Variants in FZD2 observed in about 807,000 individuals in gnomAD.
FZD2 encodes the protein frizzled-2.
Under a neutral mutation model 36.7 loss-of-function variants are expected in FZD2, and 17 were observed. The observed-to-expected ratio is 0.46, with a 90% CI of 0.32 to 0.70. FZD2 has a LOEUF of 0.70. Ranked by LOEUF, FZD2 falls within the 30% of genes least tolerant of loss-of-function variation. The pLI is 0.04. For missense variants in FZD2, 525 were observed against 805.6 expected (o/e 0.65, Z 4.22); for synonymous variants, 333 against 359.6 (o/e 0.93, Z 0.84).
rs1364129535 is a variant in FZD2 at position 44,557,632 on chromosome 17, G to C, written c.-57G>C. 2.8e-6 allele frequency: 3 copies of C among 1,083,576 alleles called. No homozygotes were observed. In the East Asian group the frequency reaches 1.1e-4, roughly 41 times the overall value. 67.1% of individuals were successfully genotyped at this position (1,083,576 alleles called of 1,614,324 possible). Reference sequence around the variant, plus strand: ...CGGCGGGGAAGAAGCGCAGTCTCCGGGTTGGGGGCGGGGGCGGGGGGGGCG... The same window carrying C: ...CGGCGGGGAAGAAGCGCAGTCTCCGCGTTGGGGGCGGGGGCGGGGGGGGCG... On this transcript the variant is annotated 5_prime_UTR_variant, in exon 1 of 1. Coordinates refer to ENST00000315323, the MANE Select transcript of FZD2 (RefSeq NM_001466.4). This position sits in a 1 kb window ranked among gnomAD's most constrained non-coding sequence, Gnocchi z 4.9.
Position 44,558,209 on chromosome 17 carries a change from C to T in FZD2, c.521C>T (p.Pro174Leu), listed in dbSNP as rs752191369. Residue 174 changes from proline to leucine, a missense_variant, in exon 1 of 1, where the codon CCG (proline) becomes CTG (leucine). Transcript: ENST00000315323. This position sits in a 1 kb window ranked among gnomAD's most constrained non-coding sequence, Gnocchi z 9.3. The stretch of plus-strand genomic sequence containing the variant: ...ACCGCGCCGCCGCCGGGACTGCAGC[C>T]GGGTGCCGGGGGCACCCCGGGTGGC... ...LTTAPPPGLQPGAGGTPGGPG... is the reference protein window; with the variant it reads ...LTTAPPPGLQLGAGGTPGGPG... 6 of 1,436,742 alleles carry T rather than the reference C, an allele frequency of 4.2e-6. No individual in the cohort carries two copies. The highest frequency in any genetic ancestry group is 4.5e-6 in the Non-Finnish European group (5 of 1,100,502). 89.0% of individuals were successfully genotyped at this position (1,436,742 alleles called of 1,614,324 possible). A position where few individuals can be genotyped will look rare whatever the true frequency, so the allele number is the denominator to read the frequency against.
In FZD2 at chr17:44,560,963, C is replaced by G. The variant is rs1187646804; in HGVS notation, c.*1577C>G. On this transcript the variant is annotated 3_prime_UTR_variant, in exon 1 of 1. Transcript: ENST00000315323. ...ACTCCTGACCTCGTTATCTGCCTGC[C>G]TCGGCCTCCTAAAGTGCTGGGATTA... Among the ~76,000 whole-genome samples the G allele has an allele frequency of 1.3e-5, 2 of 152,208 alleles. No homozygotes were observed. Among genetic ancestry groups the G allele is most frequent in the Non-Finnish European group, 2.9e-5 (2 of 68,038 alleles).
chr17:44,560,297 A>C lies in FZD2; in HGVS notation c.*911A>C, dbSNP rs1970874902. ...TTCGCCTTTGAGCACTTGTTTGCAA[A>C]TCTGGGGAGTTTGAGACCTCCTAGC... On this transcript the variant is annotated 3_prime_UTR_variant, in exon 1 of 1. Coordinates refer to ENST00000315323, the MANE Select transcript of FZD2 (RefSeq NM_001466.4). Among the ~76,000 whole-genome samples the C allele has an allele frequency of 6.6e-6, 1 of 152,044 alleles. No homozygotes were observed. The highest frequency in any genetic ancestry group is 6.6e-5 in the Admixed American group (1 of 15,254).
rs11413859 is a variant in FZD2 at position 44,560,015 on chromosome 17, GA to G, written c.*638del. On this transcript the variant is annotated 3_prime_UTR_variant, in exon 1 of 1. Transcript: ENST00000315323. ...AAGTCCCAACAGAGATGAAGACGTG[GA>G]AAAAAAAATCGGGGTCGGGGTGTGC... Among the ~76,000 whole-genome samples, 11 of 151,254 alleles carry G rather than the reference GA, an allele frequency of 7.3e-5. No individual in the cohort carries two copies. The South Asian group carries it at 1.5e-3, about 20-fold the overall frequency.
chr17:44,558,310 C>G lies in FZD2; in HGVS notation c.622C>G (p.Pro208Ala). 4 of 1,483,328 alleles carry G rather than the reference C, an allele frequency of 2.7e-6. No homozygotes were observed. Among genetic ancestry groups the G allele is most frequent in the Non-Finnish European group, 3.6e-6 (4 of 1,123,742 alleles). The allele number at this position is 1,483,328 out of a possible 1,614,324, so 91.9% of individuals were successfully genotyped here. A position where few individuals can be genotyped will look rare whatever the true frequency, so the allele number is the denominator to read the frequency against. The change falls in exon 1 of 1, where the codon CCA (proline) becomes GCA (alanine). Residue 208 changes from proline (P) to alanine (A), a missense_variant. Physicochemically the swap from Pro to Ala is conservative, Grantham distance 27. Transcript: ENST00000315323. This position sits in a 1 kb window ranked among gnomAD's most constrained non-coding sequence, Gnocchi z 9.3. ...CCACTGCCCGCGCGTCCTCAAGGTG[C>G]CATCCTATCTCAGCTACAAGTTTCT... The part of the protein sequence containing the change: ...PFHCPRVLKV[P>A]SYLSYKFLGE...
In FZD2 at chr17:44,557,985, G is replaced by A. The variant is rs1455060543; in HGVS notation, c.297G>A (p.Val99=). 4 of 1,613,870 alleles carry A rather than the reference G, an allele frequency of 2.5e-6. No homozygotes were observed. The East Asian group carries it at 6.7e-5, about 27-fold the overall frequency. The part of the protein sequence containing the change: ...RFFLCSMYAP[V]CTVLEQAIPP... ...TCCTGTGCTCCATGTACGCACCCGT[G>A]TGCACCGTGCTGGAACAGGCCATCC... The change falls in exon 1 of 1, where the codon GTG becomes GTA. Residue 99 remains valine, a synonymous_variant. Coordinates refer to ENST00000315323, the MANE Select transcript of FZD2 (RefSeq NM_001466.4). This position sits in a 1 kb window ranked among gnomAD's most constrained non-coding sequence, Gnocchi z 4.9.
rs777341173 is a variant in FZD2, at chr17:44,558,929, G to A, written c.1241G>A (p.Gly414Asp). ...VGLNSLDPLR[G>D]FVLAPLFVYL... The stretch of plus-strand genomic sequence containing the variant: ...CTCAACAGCCTGGACCCGCTGCGGG[G>A]CTTCGTGCTAGCGCCGCTCTTCGTG... Residue 414 changes from glycine (G) to aspartate (D), a missense_variant, in exon 1 of 1, where the codon GGC becomes GAC. Transcript: ENST00000315323. The surrounding 1 kb of genome is among the most constrained non-coding windows in gnomAD (Gnocchi z 9.3). The A allele has an allele frequency of 2.5e-6, 4 of 1,613,354 alleles. No individual in the cohort carries two copies. The highest frequency in any genetic ancestry group is 1.7e-6 in the Non-Finnish European group (2 of 1,179,934).
rs1373700762 is a variant in FZD2 at position 44,558,155 on chromosome 17, C to A, written c.467C>A (p.Ser156Tyr). The change falls in exon 1 of 1, where the codon TCC (serine) becomes TAC (tyrosine). Residue 156 changes from serine to tyrosine, a missense_variant. Transcript: ENST00000315323. The surrounding 1 kb of genome is among the most constrained non-coding windows in gnomAD (Gnocchi z 9.3). ...AEQICVGQNHSEDGAPALLTT... is the reference protein window; with the variant it reads ...AEQICVGQNHYEDGAPALLTT... ...CAGATCTGCGTCGGCCAGAACCACTCCGAGGACGGAGCTCCCGCGCTACTC... is the reference window on the plus strand; with the variant it reads ...CAGATCTGCGTCGGCCAGAACCACTACGAGGACGGAGCTCCCGCGCTACTC... 6.3e-7 allele frequency: 1 copy of A among 1,585,282 alleles called. No homozygotes were observed. Among genetic ancestry groups the A allele is most frequent in the African/African-American group, 1.4e-5 (1 of 72,930 alleles).
rs1351175097 is a variant in FZD2, at chr17:44,559,750, TATGGC to T, written c.*366_*370del. 6.6e-6 allele frequency among the ~76,000 whole-genome samples: 1 copy of T among 152,088 alleles called. No individual in the cohort carries two copies. The highest frequency in any genetic ancestry group is 1.5e-5 in the Non-Finnish European group (1 of 68,010). On this transcript the variant is annotated 3_prime_UTR_variant, in exon 1 of 1. Transcript: ENST00000315323. This position sits in a 1 kb window ranked among gnomAD's most constrained non-coding sequence, Gnocchi z 4.4. The stretch of plus-strand genomic sequence containing the variant: ...CCCCACTTTTGGAGTTTTTTGGTGA[TATGGC>T]AGGGCTGGGCCTGATGGGAGAGGCA...
At position 44,558,304 on chromosome 17, in the gene FZD2, A is replaced by C. The variant is rs566397443; in HGVS notation, c.616A>C (p.Lys206Gln). 39 of 1,466,956 alleles carry C rather than the reference A, an allele frequency of 2.7e-5. 1 individual carries two copies. In the South Asian group the frequency reaches 5.6e-4, roughly 21 times the overall value. 90.9% of individuals were successfully genotyped at this position (1,466,956 alleles called of 1,614,324 possible). The change falls in exon 1 of 1, where the codon AAG (lysine) becomes CAG (glutamine). Residue 206 changes from lysine (K) to glutamine (Q), a missense_variant. Lys to Gln is a moderately conservative substitution (Grantham distance 53, BLOSUM62 1). Coordinates refer to ENST00000315323, the MANE Select transcript of FZD2 (RefSeq NM_001466.4). This position sits in a 1 kb window ranked among gnomAD's most constrained non-coding sequence, Gnocchi z 9.3. ...CCCCTTCCACTGCCCGCGCGTCCTC[A>C]AGGTGCCATCCTATCTCAGCTACAA... ...EHPFHCPRVL[K>Q]VPSYLSYKFL...
rs190840755 is a variant in FZD2, at chr17:44,560,997, A to G, written c.*1611A>G. On this transcript the variant is annotated 3_prime_UTR_variant, in exon 1 of 1. Transcript: ENST00000315323. ...CTAAAGTGCTGGGATTACAGGAGTG[A>G]GCCACAGTGCCTGGCCTGTCAAGAC... Among the ~76,000 whole-genome samples, 11 of 152,338 alleles carry G rather than the reference A, an allele frequency of 7.2e-5. No homozygotes were observed. Among genetic ancestry groups the G allele is most frequent in the Admixed American group, 7.2e-4 (11 of 15,294 alleles).
Position 44,558,264 on chromosome 17 carries a change from C to G in FZD2, c.576C>G (p.Tyr192Ter). ...GPGGGGAPPR[Y>*]ATLEHPFHCP... ...GCGGCGGCGGCGCTCCCCCGCGCTACGCCACGCTGGAGCACCCCTTCCACT... is the reference window on the plus strand; with the variant it reads ...GCGGCGGCGGCGCTCCCCCGCGCTAGGCCACGCTGGAGCACCCCTTCCACT... The change falls in exon 1 of 1, where the codon TAC (tyrosine) becomes TAG (stop). Residue 192 changes from tyrosine to a stop codon, truncating the protein, a stop_gained. Transcript: ENST00000315323. LOFTEE classifies it high-confidence loss of function. The surrounding 1 kb of genome is among the most constrained non-coding windows in gnomAD (Gnocchi z 9.3). 1 of 1,412,004 alleles carries G rather than the reference C, an allele frequency of 7.1e-7. No homozygotes were observed. Among genetic ancestry groups the G allele is most frequent in the Admixed American group, 3.3e-5 (1 of 30,550 alleles). 87.5% of individuals were successfully genotyped at this position (1,412,004 alleles called of 1,614,324 possible).
rs10711389 is a variant in FZD2, at chr17:44,560,558, G to GA, written c.*1186dup. Among the ~76,000 whole-genome samples the GA allele has an allele frequency of 0.011, 1,508 of 142,158 alleles. 19 individuals carry two copies. The highest frequency in any genetic ancestry group is 0.035 in the African/African-American group (1,352 of 38,196). 93.3% of individuals were successfully genotyped at this position (142,158 alleles called of 152,430 possible). A position where few individuals can be genotyped will look rare whatever the true frequency, so the allele number is the denominator to read the frequency against. On this transcript the variant is annotated 3_prime_UTR_variant, in exon 1 of 1. Transcript: ENST00000315323. ...ATTTAAAATTTGTCCAGAAAAAAAT[G>GA]AAAAAAAAAAAAAAGGTGGTATCTT...
rs1970854049 is a variant in FZD2 at position 44,558,561 on chromosome 17, G to A, written c.873G>A (p.Ser291=). 3 of 1,603,716 alleles carry A rather than the reference G, an allele frequency of 1.9e-6. No homozygotes were observed. Among genetic ancestry groups the A allele is most frequent in the South Asian group, 1.1e-5 (1 of 89,694 alleles). Residue 291 remains serine (S), a synonymous_variant, in exon 1 of 1, where the codon TCG becomes TCA. Coordinates refer to ENST00000315323, the MANE Select transcript of FZD2 (RefSeq NM_001466.4). This position sits in a 1 kb window ranked among gnomAD's most constrained non-coding sequence, Gnocchi z 9.3. ...TGTCGGGCTGCTACACCATGGTGTC[G>A]GTGGCCTACATCGCGGGCTTCGTGC... The part of the protein sequence containing the change: ...IFLSGCYTMV[S]VAYIAGFVLQ...
Position 44,560,085 on chromosome 17 carries a change from C to A in FZD2, c.*699C>A, listed in dbSNP as rs900079717. Among the ~76,000 whole-genome samples the A allele has an allele frequency of 2.6e-5, 4 of 152,166 alleles. No individual in the cohort carries two copies. Among genetic ancestry groups the A allele is most frequent in the Admixed American group, 6.5e-5 (1 of 15,280 alleles). ...GATCCGGTGAGGAATGGCTTCCACCCCCTGGCCCATTCCCCTGCAGGCTGG... is the reference window on the plus strand; with the variant it reads ...GATCCGGTGAGGAATGGCTTCCACCACCTGGCCCATTCCCCTGCAGGCTGG... On this transcript the variant is annotated 3_prime_UTR_variant, in exon 1 of 1. Coordinates refer to ENST00000315323, the MANE Select transcript of FZD2 (RefSeq NM_001466.4).
rs1043290843 is a variant in FZD2, at chr17:44,558,640, G to A, written c.952G>A (p.Val318Met). The A allele has an allele frequency of 1.2e-6, 2 of 1,614,224 alleles. No individual in the cohort carries two copies. Among genetic ancestry groups the A allele is most frequent in the Non-Finnish European group, 1.7e-6 (2 of 1,180,044 alleles). The change falls in exon 1 of 1, where the codon GTG (valine) becomes ATG (methionine). Residue 318 changes from valine to methionine, a missense_variant. By Grantham distance (21) the Val-to-Met change is conservative. Around this residue, in one of 5 missense-constraint regions of FZD2, gnomAD observed 257 missense variants for 344.4 expected, o/e 0.75. Transcript: ENST00000315323. This position sits in a 1 kb window ranked among gnomAD's most constrained non-coding sequence, Gnocchi z 9.3. ...ERFSEDGYRT[V>M]VQGTKKEGCT... ...CTTCTCCGAGGACGGTTACCGCACG[G>A]TGGTGCAGGGCACCAAGAAGGAGGG...
At position 44,558,153 on chromosome 17, in the gene FZD2, C is replaced by T; in HGVS notation, c.465C>T (p.His155=). The T allele has an allele frequency of 6.3e-7, 1 of 1,585,936 alleles. No individual in the cohort carries two copies. Among genetic ancestry groups the T allele is most frequent in the Non-Finnish European group, 8.6e-7 (1 of 1,167,648 alleles). The part of the protein sequence containing the change: ...GAEQICVGQN[H]SEDGAPALLT... ...AGCAGATCTGCGTCGGCCAGAACCA[C>T]TCCGAGGACGGAGCTCCCGCGCTAC... The change falls in exon 1 of 1, where the codon CAC becomes CAT. Residue 155 remains histidine (H), a synonymous_variant. Coordinates refer to ENST00000315323, the MANE Select transcript of FZD2 (RefSeq NM_001466.4). This position sits in a 1 kb window ranked among gnomAD's most constrained non-coding sequence, Gnocchi z 9.3.
In FZD2 at chr17:44,560,558, G is replaced by GAAA. The variant is rs10711389; in HGVS notation, c.*1184_*1186dup. Reference sequence around the variant, plus strand: ...ATTTAAAATTTGTCCAGAAAAAAATGAAAAAAAAAAAAAAGGTGGTATCTT... The same window carrying GAAA: ...ATTTAAAATTTGTCCAGAAAAAAATGAAAAAAAAAAAAAAAAAGGTGGTATCTT... On this transcript the variant is annotated 3_prime_UTR_variant, in exon 1 of 1. Transcript: ENST00000315323. Among the ~76,000 whole-genome samples the GAAA allele has an allele frequency of 7.0e-6, 1 of 142,154 alleles. No homozygotes were observed. Among genetic ancestry groups the GAAA allele is most frequent in the African/African-American group, 2.6e-5 (1 of 38,130 alleles). 93.3% of individuals were successfully genotyped at this position (142,154 alleles called of 152,430 possible).
chr17:44,558,498 G>T lies in FZD2; in HGVS notation c.810G>T (p.Met270Ile). The T allele has an allele frequency of 6.3e-7, 1 of 1,581,770 alleles. No individual in the cohort carries two copies. The highest frequency in any genetic ancestry group is 1.2e-5 in the South Asian group (1 of 85,190). The stretch of plus-strand genomic sequence containing the variant: ...CTGTCACCACGTACTTGGTAGACAT[G>T]CAGCGCTTCCGCTACCCAGAGCGGC... ...FFTVTTYLVD[M>I]QRFRYPERPI... Residue 270 changes from methionine (M) to isoleucine (I), a missense_variant, in exon 1 of 1, where the codon ATG (methionine) becomes ATT (isoleucine). By Grantham distance (10) the Met-to-Ile change is conservative (BLOSUM62 1). Coordinates refer to ENST00000315323, the MANE Select transcript of FZD2 (RefSeq NM_001466.4). This position sits in a 1 kb window ranked among gnomAD's most constrained non-coding sequence, Gnocchi z 9.3.
Sources: allele counts gnomAD v4.1 joint callset (sites outside exome capture counted in the v4.1 genomes callset), GRCh38; gene constraint gnomAD v4.1.1; regional missense constraint gnomAD v4.1.1; non-coding constraint Gnocchi (gnomAD v3.1); transcripts MANE v1.5; gene names NCBI Gene and HGNC (gene_info 2026-07-23, HGNC 2026-07-21).